Variants in TMEM260 observed in about 807,000 individuals in gnomAD.
The protein encoded by TMEM260 is protein O-mannosyl-transferase TMEM260.
A neutral mutation model predicts 88.9 loss-of-function variants in TMEM260; 82 were observed. The ratio of observed to expected loss-of-function variants is 0.92; its 90% CI spans 0.77 to 1.11. The LOEUF is 1.11. Among genes scored for constraint, TMEM260 ranks in the 50% least tolerant of loss-of-function variants. The pLI is 0.00. For synonymous variants in TMEM260, 314 were observed against 309.3 expected (o/e 1.02, Z -0.16); for missense variants, 902 against 853.4 (o/e 1.06, Z -0.71).
chr14:56,650,223 A>AC (rs1890178013), downstream of TMEM260: 3 of 368,914 alleles, frequency 8.1e-6, no homozygotes, highest in Non-Finnish European at 1.6e-5. Flanking sequence ...GAAGACAGGA[A>AC]CCCCACAAGG....
chr14:56,631,118 A>ACAAGCTCT (rs111740956), intron 12 of TMEM260, among the ~76,000 whole-genome samples: 7,255 of 152,282 alleles, frequency 0.048, 440 homozygotes, highest in African/African-American at 0.14. Flanking sequence ...AAAGTTTATT[A>ACAAGCTCT]AAAGCTCTAA....
chr14:56,633,258 A>ATTTTT, intron 13 of TMEM260, 87 bp downstream of exon 13: 1 of 930,704 alleles, frequency 1.1e-6, no homozygotes, highest in Non-Finnish European at 1.5e-6. Context: ...ATGCCTTCTA[A>ATTTTT]TTTTTTTTTT....
chr14:56,648,794 A>G lies in TMEM260; in HGVS notation c.*1297A>G, dbSNP rs1303623855. ...TGTCTGGAGTGTCCTTTGTGATGTC[A>G]TAAGCTGTTAAGGACCAGTGCCGAG... On this transcript the variant is annotated 3_prime_UTR_variant, in exon 16 of 16. Coordinates refer to ENST00000261556, the MANE Select transcript of TMEM260 (RefSeq NM_017799.4). 1.3e-5 allele frequency: 2 copies of G among 152,640 alleles called. No homozygotes were observed. The highest frequency in any genetic ancestry group is 2.4e-5 in the African/African-American group (1 of 41,446). 9.5% of individuals were successfully genotyped at this position (152,640 alleles called of 1,614,324 possible). A position where few individuals can be genotyped will look rare whatever the true frequency, so the allele number is the denominator to read the frequency against.
chr14:56,648,483 C>A lies in TMEM260; in HGVS notation c.*986C>A, dbSNP rs1380028922. On this transcript the variant is annotated 3_prime_UTR_variant, in exon 16 of 16. Transcript: ENST00000261556. ...GAATCTGTAGGGCTTCTTTTCCCCC[C>A]AATTGTATAGCTCCTAGACTCCAAG... is the stretch of plus-strand genomic sequence containing the variant. 1 of 152,530 alleles carries A rather than the reference C, an allele frequency of 6.6e-6. No individual in the cohort carries two copies. The highest frequency in any genetic ancestry group is 6.5e-5 in the Admixed American group (1 of 15,282). The allele number at this position is 152,530 out of a possible 1,614,324, so 9.4% of individuals were successfully genotyped here.
chr14:56,627,654 T>A (rs1296809127), intron 12 of TMEM260, among the ~76,000 whole-genome samples: 1 of 149,876 alleles, frequency 6.7e-6, no homozygotes, highest in East Asian at 2.0e-4. Context: ...GATAGAGATA[T>A]TTTTCCCCCC....
chr14:56,662,853 G>T, the TMEM260 span, among the ~76,000 whole-genome samples: 1 of 152,212 alleles, frequency 6.6e-6, no homozygotes, highest in African/African-American at 2.4e-5. Flanking sequence ...CATTGGCCGG[G>T]CACCCTGGCT....
In TMEM260 at chr14:56,636,582, A is replaced by G. The variant is rs1229911352; in HGVS notation, c.1853A>G (p.Tyr618Cys). 6.2e-7 allele frequency: 1 copy of G among 1,613,954 alleles called. No homozygotes were observed. The highest frequency in any genetic ancestry group is 2.2e-5 in the East Asian group (1 of 44,868). The change falls in exon 15 of 16, where the codon TAC becomes TGC. Residue 618 changes from tyrosine to cysteine, a missense_variant. Coordinates refer to ENST00000261556, the MANE Select transcript of TMEM260 (RefSeq NM_017799.4). ...HMPSKVKAQLYAQAYDLYKEI... is the reference protein window; with the variant it reads ...HMPSKVKAQLCAQAYDLYKEI... ...CCTTCAAAAGTGAAAGCTCAACTCTACGCTCAAGCATATGACGTATGTTAC... is the reference window on the plus strand; with the variant it reads ...CCTTCAAAAGTGAAAGCTCAACTCTGCGCTCAAGCATATGACGTATGTTAC...
At chr14:56,658,850 C>T in the TMEM260 span, among the ~76,000 whole-genome samples, 1 of 152,126 alleles carries the variant, frequency 6.6e-6, no homozygotes, top group Non-Finnish European at 1.5e-5. Context: ...CCTGCCTCAG[C>T]CTCCCAAGTA....
the TMEM260 span, among the ~76,000 whole-genome samples, chr14:56,659,962 TA>T: frequency 2.4e-4 from 36 of 149,166 alleles, no homozygotes; most frequent in African/African-American, 7.6e-4. Flanking sequence ...TCTATGTACT[TA>T]AAAAAAAAAC....
At chr14:56,645,407 A>C (rs942932588) in intron 15 of TMEM260, among the ~76,000 whole-genome samples, 3 of 151,524 alleles carry the variant, frequency 2.0e-5, no homozygotes, top group Non-Finnish European at 4.4e-5. Flanking sequence ...AAAACCAAGC[A>C]CCACATGTTC....
At chr14:56,644,189 A>G (rs551833840) in intron 15 of TMEM260, among the ~76,000 whole-genome samples, 36 of 152,278 alleles carry the variant, frequency 2.4e-4, no homozygotes, top group South Asian at 2.1e-3. Context: ...AAAAGAGCCC[A>G]CATTGCCAAA....
intron 15 of TMEM260, among the ~76,000 whole-genome samples, chr14:56,639,408 T>G (rs1319166082): frequency 6.6e-6 from 1 of 152,208 alleles, no homozygotes; most frequent in Non-Finnish European, 1.5e-5. Flanking sequence ...TATCAAAATA[T>G]CTCATGTACC....
chr14:56,590,290 A>C (rs1284556722), intron 3 of TMEM260, among the ~76,000 whole-genome samples: 1 of 152,212 alleles, frequency 6.6e-6, no homozygotes, highest in Non-Finnish European at 1.5e-5. Context: ...CTTTTTTAAG[A>C]CTGTAGAGTC....
chr14:56,636,433 C>T, intron 14 of TMEM260, 75 bp from the exon 15 acceptor site: 1 of 1,144,252 alleles, frequency 8.7e-7, no homozygotes, highest in Non-Finnish European at 1.3e-6. Context: ...AGTGGAGAAG[C>T]CTGGAAGATT....
intron 14 of TMEM260, among the ~76,000 whole-genome samples, chr14:56,635,781 A>ATATAAGTTTAAAGAGGTT (rs1416503408): frequency 2.0e-5 from 3 of 152,170 alleles, no homozygotes; most frequent in Non-Finnish European, 4.4e-5. Context: ...TAAAGAGCTT[A>ATATAAGTTTAAAGAGGTT]TATAAGTTTA....
At chr14:56,625,264 A>ATT (rs1753451490) in intron 11 of TMEM260, 118 bp from the exon 12 acceptor site, 2 of 944,666 alleles carry the variant, frequency 2.1e-6, no homozygotes, top group African/African-American at 3.4e-5. Flanking sequence ...ATATTTTTCA[A>ATT]TTATATATAT....
chr14:56,636,510 T>C lies in TMEM260; in HGVS notation c.1781T>C (p.Met594Thr), dbSNP rs370852423. 333 of 1,613,882 alleles carry C rather than the reference T, an allele frequency of 2.1e-4. No individual in the cohort carries two copies. Among genetic ancestry groups the C allele is most frequent in the Admixed American group, 5.8e-4 (35 of 59,994 alleles). The change falls in exon 15 of 16, where the codon ATG (methionine) becomes ACG (threonine). Residue 594 changes from methionine to threonine, a missense_variant and splice_region_variant. Physicochemically the swap from Met to Thr is moderately conservative, Grantham distance 81 (BLOSUM62 -1). Transcript: ENST00000261556. Reference sequence around the variant, plus strand: ...AAGGTTCCTATCCCCACCCCCAGGATGAAAACACCGTTCTTCATCTTTAAC... The same window carrying C: ...AAGGTTCCTATCCCCACCCCCAGGACGAAAACACCGTTCTTCATCTTTAAC... ...VANEEMWQARMKTPFFIFNLA... is the reference protein window; with the variant it reads ...VANEEMWQARTKTPFFIFNLA...
intron 11 of TMEM260, among the ~76,000 whole-genome samples, chr14:56,624,926 T>G (rs916146519): frequency 6.6e-6 from 1 of 152,248 alleles, no homozygotes; most frequent in Non-Finnish European, 1.5e-5. Flanking sequence ...CTGTTCCACC[T>G]GAGATCATCA....
In TMEM260 at chr14:56,618,639, G is replaced by A. The variant is rs1428571512; in HGVS notation, c.1102G>A (p.Ala368Thr). The change falls in exon 10 of 16, where the codon GCT becomes ACT. Residue 368 changes from alanine (A) to threonine (T), a missense_variant. Coordinates refer to ENST00000261556, the MANE Select transcript of TMEM260 (RefSeq NM_017799.4). Reference sequence around the variant, plus strand: ...GAGCAATGCAGTAGTGGCCGTCCTCGCTGGCATTGGTTTGGCTGCAGTTGT... The same window carrying A: ...GAGCAATGCAGTAGTGGCCGTCCTCACTGGCATTGGTTTGGCTGCAGTTGT... ...MQSNAVVAVLAGIGLAAVVSE... is the reference protein window; with the variant it reads ...MQSNAVVAVLTGIGLAAVVSE... The A allele has an allele frequency of 6.8e-6, 11 of 1,614,076 alleles. No individual in the cohort carries two copies. The highest frequency in any genetic ancestry group is 2.2e-5 in the East Asian group (1 of 44,904).
Sources: allele counts gnomAD v4.1 joint callset (sites outside exome capture counted in the v4.1 genomes callset), GRCh38; gene constraint gnomAD v4.1.1; transcripts MANE v1.5; gene names NCBI Gene and HGNC (gene_info 2026-07-23, HGNC 2026-07-21).